Variants in RABGAP1L observed in about 807,000 individuals in gnomAD.
RABGAP1L encodes RAB GTPase activating protein 1 like.
Under a neutral mutation model 137.7 loss-of-function variants are expected in RABGAP1L, and 63 were observed. That is an observed-to-expected ratio of 0.46 (90% CI 0.37 to 0.56). The LOEUF (loss-of-function observed/expected upper bound fraction) is 0.56, where lower values mean the gene tolerates loss of function less well. Among genes scored for constraint, RABGAP1L ranks in the 20% least tolerant of loss-of-function variants. RABGAP1L has a pLI of 0.00. For missense variants in RABGAP1L, 1,095 were observed against 1,244.0 expected, an observed-to-expected ratio of 0.88 and a Z score of 1.80; for synonymous variants, 431 against 433.7, an observed-to-expected ratio of 0.99 and a Z score of 0.08.
In RABGAP1L at chr1:174,511,870, C is replaced by T. The variant is rs912887424; in HGVS notation, c.1710+117725C>T. ...CTGACCTCAGGTGATCCACCCACCT[C>T]GGCCTCCCAAAGTGCTGGGATTACA... On this transcript the variant is annotated intron_variant, in intron 13 of 25. Transcript: ENST00000681986. Among the ~76,000 whole-genome samples the T allele has an allele frequency of 1.1e-4, 16 of 152,212 alleles. No homozygotes were observed. The East Asian group carries it at 1.2e-3, about 11-fold the overall frequency.
chr1:174,438,261 A>G (rs1653664185), intron 13 of RABGAP1L, among the ~76,000 whole-genome samples: 1 of 152,072 alleles, frequency 6.6e-6, no homozygotes, highest in Admixed American at 6.6e-5. Context: ...CTTTCCCAAG[A>G]TCGTTTTAGC....
intron 19 of RABGAP1L, chr1:174,922,344 C>A: frequency 5.1e-6 from 1 of 197,872 alleles, no homozygotes. Context: ...ATGGCCTTGT[C>A]CTTGGGCACG....
intron 19 of RABGAP1L, among the ~76,000 whole-genome samples, chr1:174,876,726 T>G (rs1267124722): frequency 2.6e-5 from 4 of 152,168 alleles, no homozygotes; most frequent in African/African-American, 4.8e-5. Context: ...AGTTTATAAA[T>G]GAGACTCTTG....
chr1:174,629,153 A>C (rs1272780421), intron 13 of RABGAP1L, among the ~76,000 whole-genome samples: 1 of 152,198 alleles, frequency 6.6e-6, no homozygotes, highest in Non-Finnish European at 1.5e-5. Flanking sequence ...TATTTGTTGA[A>C]TGAGTGAGTG....
intron 4 of RABGAP1L, 60 bp downstream of exon 4, chr1:174,231,415 T>A (rs1571670551): frequency 6.9e-7 from 1 of 1,450,496 alleles, no homozygotes; most frequent in Non-Finnish European, 9.7e-7. Flanking sequence ...GTGGTGAAGA[T>A]GTTATAGCAT....
At chr1:174,695,241 G>T (rs1297065440) in intron 15 of RABGAP1L, among the ~76,000 whole-genome samples, 2 of 151,980 alleles carry the variant, frequency 1.3e-5, no homozygotes, top group Non-Finnish European at 2.9e-5. Flanking sequence ...ATAATTCATG[G>T]ATTTGCCCTT....
intron 18 of RABGAP1L, among the ~76,000 whole-genome samples, chr1:174,777,378 GC>G (rs1341790420): frequency 5.9e-5 from 9 of 152,154 alleles, no homozygotes; most frequent in Non-Finnish European, 8.8e-5. Flanking sequence ...GCTGTCATGT[GC>G]ATTACAGGAT....
intron 13 of RABGAP1L, among the ~76,000 whole-genome samples, chr1:174,627,259 T>C (rs1221806261): frequency 6.6e-6 from 1 of 152,188 alleles, no homozygotes; most frequent in Non-Finnish European, 1.5e-5. Context: ...AAAACAGTCT[T>C]CCTCACTAAA....
intron 14 of RABGAP1L, among the ~76,000 whole-genome samples, chr1:174,682,979 C>T (rs1351623906): frequency 6.6e-6 from 1 of 151,426 alleles, no homozygotes; most frequent in Non-Finnish European, 1.5e-5. Flanking sequence ...ATTGGAGAAC[C>T]ATTTTTACTC....
chr1:174,445,051 A>G (rs1019357737), intron 13 of RABGAP1L, among the ~76,000 whole-genome samples: 2 of 152,108 alleles, frequency 1.3e-5, no homozygotes, highest in Non-Finnish European at 2.9e-5. Context: ...TACTTCATAG[A>G]GTTTTAAGAT....
rs139433356 is a variant in RABGAP1L at position 174,297,165 on chromosome 1, A to G, written c.1324-7821A>G. On this transcript the variant is annotated intron_variant, in intron 10 of 25. Coordinates refer to ENST00000681986, the MANE Select transcript of RABGAP1L (RefSeq NM_001366446.1). ...CTTAGGTTTATGGCTAAGACTCCCT[A>G]TAACAAAAGACAGAATAACAAGAGA... Among the ~76,000 whole-genome samples, 760 of 152,318 alleles carry G rather than the reference A, an allele frequency of 5.0e-3. 7 individuals carry two copies. The highest frequency in any genetic ancestry group is 0.016 in the African/African-American group (659 of 41,580).
rs1573069430 is a variant in RABGAP1L, at chr1:174,761,858, C to G, written c.2211+9504C>G. 6.6e-6 allele frequency among the ~76,000 whole-genome samples: 1 copy of G among 152,040 alleles called. No individual in the cohort carries two copies. Among genetic ancestry groups the G allele is most frequent in the Non-Finnish European group, 1.5e-5 (1 of 68,002 alleles). Reference sequence around the variant, plus strand: ...AGATGAGGTTTGGGTGGGGACACAGCCAAACCATATCAACAATAAACATAA... The same window carrying G: ...AGATGAGGTTTGGGTGGGGACACAGGCAAACCATATCAACAATAAACATAA... On this transcript the variant is annotated intron_variant, in intron 18 of 25. Transcript: ENST00000681986. The surrounding 1 kb of genome is among the most constrained non-coding windows in gnomAD (Gnocchi z 4.0).
At chr1:174,738,207 C>T (rs1322631512) in intron 17 of RABGAP1L, among the ~76,000 whole-genome samples, 1 of 152,120 alleles carries the variant, frequency 6.6e-6, no homozygotes, top group Non-Finnish European at 1.5e-5. Context: ...GGGTCCCTGC[C>T]ACAAGGCGCC....
At chr1:174,675,520 C>T (rs999221242) in intron 14 of RABGAP1L, among the ~76,000 whole-genome samples, 16 of 151,512 alleles carry the variant, frequency 1.1e-4, no homozygotes, top group East Asian at 1.9e-4. Flanking sequence ...AGTCAGGTAG[C>T]GTGATGCCTC....
At chr1:174,608,412 C>CT (rs1158472335) in intron 13 of RABGAP1L, among the ~76,000 whole-genome samples, 2 of 151,988 alleles carry the variant, frequency 1.3e-5, no homozygotes, top group African/African-American at 4.8e-5. Context: ...TAGCCCAAGG[C>CT]AATATGTAAA....
chr1:174,614,307 T>C (rs1482818481), intron 13 of RABGAP1L, among the ~76,000 whole-genome samples: 1 of 152,206 alleles, frequency 6.6e-6, no homozygotes, highest in Non-Finnish European at 1.5e-5. Flanking sequence ...TATTTCTCCT[T>C]CACTTATGAA....
intron 13 of RABGAP1L, among the ~76,000 whole-genome samples, chr1:174,516,236 G>C (rs1488291501): frequency 3.3e-5 from 5 of 151,246 alleles, no homozygotes; most frequent in Admixed American, 2.0e-4. Flanking sequence ...GCTCACTGCG[G>C]CCTCGACCTC....
intron 13 of RABGAP1L, among the ~76,000 whole-genome samples, chr1:174,514,736 G>A (rs1470842026): frequency 6.6e-6 from 1 of 152,060 alleles, no homozygotes; most frequent in Non-Finnish European, 1.5e-5. Context: ...ATATTCAATT[G>A]CACCACACTC....
chr1:174,929,952 GTGAT>G (rs1663508727), intron 19 of RABGAP1L, among the ~76,000 whole-genome samples: 1 of 148,732 alleles, frequency 6.7e-6, no homozygotes, highest in African/African-American at 2.5e-5. Flanking sequence ...CTGGGCTCAA[GTGAT>G]CCTCCCACCT....
Sources: gnomAD v4.1 joint callset for allele counts (sites outside exome capture counted in the v4.1 genomes callset) on GRCh38, gnomAD v4.1.1 for gene constraint, Gnocchi (gnomAD v3.1) non-coding constraint, MANE v1.5 for transcripts, NCBI Gene and HGNC (gene_info 2026-07-23, HGNC 2026-07-21) for gene names.